DEUP1: variants seen among roughly 807,000 people sequenced by gnomAD.
The protein encoded by DEUP1 is deuterosome assembly protein 1, also known as coiled-coil domain containing 67.
Under a neutral mutation model 87.4 loss-of-function variants are expected in DEUP1, and 82 were observed. That is an observed-to-expected ratio of 0.94 (90% CI 0.78 to 1.13). The LOEUF (loss-of-function observed/expected upper bound fraction) is 1.13. Ranked by LOEUF, DEUP1 falls within the 50% of genes most tolerant of loss-of-function variation. DEUP1 has a pLI of 0.00. For synonymous variants in DEUP1, 214 were observed against 222.7 expected (o/e 0.96, Z 0.35); for missense variants, 663 against 681.5 (o/e 0.97, Z 0.30).
chr11:93,332,013 C>T (rs1943515670), intron 1 of DEUP1, among the ~76,000 whole-genome samples: 2 of 152,114 alleles, frequency 1.3e-5, no homozygotes, highest in Admixed American at 1.3e-4. Flanking sequence ...TGCACTCCAG[C>T]CTGGGCCACA....
At chr11:93,339,218 T>C (rs1943932898) in intron 2 of DEUP1, among the ~76,000 whole-genome samples, 1 of 152,246 alleles carries the variant, frequency 6.6e-6, no homozygotes, top group African/African-American at 2.4e-5. Context: ...TGTTGCCATA[T>C]TAAAGCACAA....
At chr11:93,388,271 T>C (rs1184176044) in intron 8 of DEUP1, among the ~76,000 whole-genome samples, 2 of 152,158 alleles carry the variant, frequency 1.3e-5, no homozygotes, top group African/African-American at 4.8e-5. Context: ...CACAAGTGGA[T>C]ATGTTCCTCA....
At chr11:93,330,726 C>G (rs1943427326), upstream of DEUP1, 1 of 152,712 alleles carries the variant, frequency 6.5e-6, no homozygotes, top group Non-Finnish European at 1.5e-5. Context: ...CATACGCGGT[C>G]CTGCGCCCTC....
chr11:93,396,421 TA>T (rs1946948770), intron 11 of DEUP1, 96 bp downstream of exon 11: 2 of 736,898 alleles, frequency 2.7e-6, no homozygotes, highest in South Asian at 4.2e-5. Flanking sequence ...TGCTGTGTGT[TA>T]GACATGAAGG....
At chr11:93,373,417 C>G (rs1483616855) in intron 7 of DEUP1, among the ~76,000 whole-genome samples, 4 of 151,918 alleles carry the variant, frequency 2.6e-5, no homozygotes, top group Non-Finnish European at 5.9e-5. Context: ...TAGCTTAGCT[C>G]CTACTTATGA....
At chr11:93,428,266 T>TA (rs1234314780) in intron 13 of DEUP1, among the ~76,000 whole-genome samples, 1 of 151,690 alleles carries the variant, frequency 6.6e-6, no homozygotes, top group East Asian at 1.9e-4. Context: ...TATGCAGCCA[T>TA]AAAAAATGAT....
chr11:93,330,586 G>A (rs143712202), upstream of DEUP1: 1,155 of 152,384 alleles, frequency 7.6e-3, 4 homozygotes, highest in Non-Finnish European at 0.012. Context: ...GGCAACACGC[G>A]GCGGCGCCGC....
chr11:93,344,762 A>AT (rs891205436), intron 2 of DEUP1, among the ~76,000 whole-genome samples: 115 of 152,264 alleles, frequency 7.6e-4, no homozygotes, highest in African/African-American at 2.7e-3. Context: ...TTGGGAGCTG[A>AT]TAAAACACTT....
rs1469951215 is a variant in DEUP1 at position 93,385,429 on chromosome 11, G to C, written c.821G>C (p.Ser274Thr). 6.2e-7 allele frequency: 1 copy of C among 1,612,654 alleles called. No homozygotes were observed. The highest frequency in any genetic ancestry group is 8.5e-7 in the Non-Finnish European group (1 of 1,179,474). Reference sequence around the variant, plus strand: ...GAAGCAGGTCTCTCAGAGGTAAAAAGTGAGTTACAGTCACGTGATGATCTC... The same window carrying C: ...GAAGCAGGTCTCTCAGAGGTAAAAACTGAGTTACAGTCACGTGATGATCTC... ...AMEAGLSEVK[S>T]ELQSRDDLLR... The change falls in exon 8 of 14, where the codon AGT becomes ACT. Residue 274 changes from serine (S) to threonine (T), a missense_variant. Physicochemically the swap from Ser to Thr is moderately conservative, Grantham distance 58. Transcript: ENST00000298050.
chr11:93,354,798 T>C (rs1944804721), intron 2 of DEUP1, among the ~76,000 whole-genome samples: 1 of 152,178 alleles, frequency 6.6e-6, no homozygotes, highest in South Asian at 2.1e-4. Flanking sequence ...CCATAACATG[T>C]GGGAATTCTG....
chr11:93,412,183 C>T (rs1420578917), intron 12 of DEUP1, among the ~76,000 whole-genome samples: 2 of 152,100 alleles, frequency 1.3e-5, no homozygotes, highest in Admixed American at 1.3e-4. Flanking sequence ...TGTACATGTC[C>T]AACAAAGCTG....
chr11:93,370,376 G>T (rs1260652263), intron 6 of DEUP1, among the ~76,000 whole-genome samples, 190 bp downstream of exon 6: 1 of 152,174 alleles, frequency 6.6e-6, no homozygotes, highest in Non-Finnish European at 1.5e-5. Context: ...TGTCTCAAAG[G>T]ATGGAGCTAT....
At chr11:93,342,298 CA>C (rs936799286) in intron 2 of DEUP1, among the ~76,000 whole-genome samples, 2 of 152,138 alleles carry the variant, frequency 1.3e-5, no homozygotes, top group Admixed American at 6.5e-5. Flanking sequence ...TCACACCCCA[CA>C]AGAGTTCTCC....
chr11:93,407,492 A>G (rs982915364), intron 11 of DEUP1, among the ~76,000 whole-genome samples: 1 of 152,130 alleles, frequency 6.6e-6, no homozygotes, highest in Non-Finnish European at 1.5e-5. Context: ...TAATTTTCTA[A>G]GTAGGCATAC....
intron 11 of DEUP1, among the ~76,000 whole-genome samples, chr11:93,398,273 C>G (rs962935774): frequency 2.0e-5 from 3 of 151,946 alleles, no homozygotes; most frequent in African/African-American, 7.3e-5. Flanking sequence ...TGATAATATT[C>G]CATGGTGTGT....
At chr11:93,371,406 T>A (rs1945721009) in intron 7 of DEUP1, 126 bp downstream of exon 7, 2 of 1,060,144 alleles carry the variant, frequency 1.9e-6, no homozygotes, top group South Asian at 1.9e-5. Flanking sequence ...CCATTCATAT[T>A]TCCTCTTAGT....
At chr11:93,381,585 G>T (rs926841336) in intron 7 of DEUP1, among the ~76,000 whole-genome samples, 1 of 151,968 alleles carries the variant, frequency 6.6e-6, no homozygotes, top group African/African-American at 2.4e-5. Flanking sequence ...CACTCTACAT[G>T]TTTTTTAAAT....
chr11:93,428,319 A>G (rs1279086229), intron 13 of DEUP1, among the ~76,000 whole-genome samples: 6 of 152,114 alleles, frequency 3.9e-5, no homozygotes, highest in Admixed American at 2.6e-4. Context: ...ACTGGAAACC[A>G]TCATTCTCAG....
At chr11:93,394,355 C>T in intron 9 of DEUP1, 104 bp from the exon 10 acceptor site, 2 of 749,136 alleles carry the variant, frequency 2.7e-6, no homozygotes, top group East Asian at 2.8e-5. Flanking sequence ...GAAGTGGGCC[C>T]TGACAAAGTT....
Sources: allele counts gnomAD v4.1 joint callset (sites outside exome capture counted in the v4.1 genomes callset), GRCh38; gene constraint gnomAD v4.1.1; transcripts MANE v1.5; gene names NCBI Gene and HGNC (gene_info 2026-07-23, HGNC 2026-07-21).